The following PAX5 variants were observed in gnomAD, a reference collection of about 807,000 sequenced individuals.
PAX5 encodes the protein paired box protein Pax-5.
In PAX5, 9 loss-of-function variants were observed where a neutral mutation model predicts 43.7. That is an observed-to-expected ratio of 0.21 (90% CI 0.12 to 0.36). The LOEUF (loss-of-function observed/expected upper bound fraction) is 0.36, where lower values mean the gene tolerates loss of function less well. PAX5 is among the 10% of genes least tolerant of loss of function. PAX5 has a pLI of 1.00. For missense variants in PAX5, 383 were observed against 532.7 expected (o/e 0.72, Z 2.77); for synonymous variants, 228 against 214.3 (o/e 1.06, Z -0.56).
At chr9:36,961,431 C>A (rs368721336) in intron 6 of PAX5, among the ~76,000 whole-genome samples, 1 of 152,234 alleles carries the variant, frequency 6.6e-6, no homozygotes, top group Non-Finnish European at 1.5e-5. Context: ...AGGGCCCTGG[C>A]CCGTTCCATT....
intron 1 of PAX5, 52 bp downstream of exon 1, chr9:37,033,934 G>T (rs1841266535): frequency 4.4e-6 from 7 of 1,586,824 alleles, no homozygotes; most frequent in Non-Finnish European, 6.0e-6. Context: ...GGGGACCAAG[G>T]CCTGGCCGTG....
At chr9:36,890,201 T>C (rs1223842228) in intron 7 of PAX5, among the ~76,000 whole-genome samples, 1 of 151,628 alleles carries the variant, frequency 6.6e-6, no homozygotes, top group Non-Finnish European at 1.5e-5. Flanking sequence ...CCTGACTGTG[T>C]GTGTGAGTGA....
intron 1 of PAX5, among the ~76,000 whole-genome samples, chr9:37,021,308 G>A (rs541008389): frequency 6.6e-6 from 1 of 152,074 alleles, no homozygotes; most frequent in South Asian, 2.1e-4. Flanking sequence ...CTAATTCAAG[G>A]GCTAAGGAAT....
chr9:36,983,981 A>G (rs1283574910), intron 5 of PAX5, among the ~76,000 whole-genome samples: 1 of 152,244 alleles, frequency 6.6e-6, no homozygotes, highest in Non-Finnish European at 1.5e-5. Flanking sequence ...TTCCTTGATC[A>G]TGAATAGTAA....
rs1018932516 is a variant in PAX5 at position 37,003,210 on chromosome 9, C to A, written c.476-434G>T. 2.0e-5 allele frequency among the ~76,000 whole-genome samples: 3 copies of A among 149,102 alleles called. No homozygotes were observed. In the East Asian group the frequency reaches 6.1e-4, roughly 30 times the overall value. On this transcript the variant is annotated intron_variant, in intron 4 of 9. Coordinates refer to ENST00000358127, the MANE Select transcript of PAX5 (RefSeq NM_016734.3). ...GAACTACTCGTTAGGCATTTCACCA[C>A]CTGCCTGCACACCCAACCCAACCTT...
intron 8 of PAX5, among the ~76,000 whole-genome samples, chr9:36,861,750 C>T (rs1824239667): frequency 1.3e-5 from 2 of 151,482 alleles, no homozygotes; most frequent in Admixed American, 1.3e-4. Context: ...GGAGAGAAGG[C>T]CAGGGAGGGA....
chr9:36,851,950 T>C (rs1452718596), intron 8 of PAX5, among the ~76,000 whole-genome samples: 1 of 152,214 alleles, frequency 6.6e-6, no homozygotes, highest in East Asian at 1.9e-4. Flanking sequence ...AAATGGCCTT[T>C]GAAGTCACAC....
intron 6 of PAX5, among the ~76,000 whole-genome samples, chr9:36,929,103 T>C (rs979159084): frequency 9.2e-5 from 14 of 152,206 alleles, no homozygotes; most frequent in African/African-American, 3.4e-4. Flanking sequence ...GAACTTTTTT[T>C]CCAAACTTAA....
intron 4 of PAX5, among the ~76,000 whole-genome samples, chr9:37,005,217 A>AC (rs1385092428): frequency 6.6e-6 from 1 of 152,006 alleles, no homozygotes; most frequent in Non-Finnish European, 1.5e-5. Flanking sequence ...CCCCCACAGC[A>AC]CCCATCCCTT....
chr9:36,922,519 G>A (rs1436828300), intron 7 of PAX5, among the ~76,000 whole-genome samples: 1 of 152,306 alleles, frequency 6.6e-6, no homozygotes, highest in Non-Finnish European at 1.5e-5. Flanking sequence ...GGGTCTCCCC[G>A]TCCTGGCCCA....
chr9:36,945,689 C>A (rs1479151443), intron 6 of PAX5, among the ~76,000 whole-genome samples: 3 of 152,210 alleles, frequency 2.0e-5, no homozygotes, highest in African/African-American at 7.2e-5. Context: ...TTGTTTCTGG[C>A]AAATTGGATC....
At chr9:36,930,891 GA>G in intron 6 of PAX5, 5 of 1,296,398 alleles carry the variant, frequency 3.9e-6, no homozygotes, top group East Asian at 4.4e-5. Flanking sequence ...AAATTACCTG[GA>G]AAAGGACTGC....
At chr9:36,919,329 G>C (rs559070757) in intron 7 of PAX5, among the ~76,000 whole-genome samples, 141 of 152,304 alleles carry the variant, frequency 9.3e-4, no homozygotes, top group African/African-American at 3.2e-3. Context: ...AGCTCTGATG[G>C]AGATGTACAA....
chr9:36,999,073 T>C (rs1264853309), intron 5 of PAX5, among the ~76,000 whole-genome samples: 1 of 152,216 alleles, frequency 6.6e-6, no homozygotes, highest in Non-Finnish European at 1.5e-5. Context: ...TGAATGTTTC[T>C]TGAGCATCTG....
chr9:36,982,820 T>C (rs531744054), intron 5 of PAX5, among the ~76,000 whole-genome samples: 2 of 152,236 alleles, frequency 1.3e-5, no homozygotes, highest in South Asian at 2.1e-4. Context: ...GCACAATACC[T>C]GCAGATTTTG....
chr9:36,880,378 C>T (rs553380772), intron 8 of PAX5, among the ~76,000 whole-genome samples: 6 of 152,280 alleles, frequency 3.9e-5, no homozygotes, highest in South Asian at 2.1e-4. Context: ...GAGGATGGCC[C>T]GGGGGAAGAG....
chr9:36,937,576 C>T (rs1465541560), intron 6 of PAX5, among the ~76,000 whole-genome samples: 2 of 152,198 alleles, frequency 1.3e-5, no homozygotes, highest in African/African-American at 4.8e-5. Context: ...AGGCCAGGCT[C>T]CTCTTCCTGT....
chr9:37,018,602 C>A (rs553419963), intron 2 of PAX5, among the ~76,000 whole-genome samples: 4 of 128,172 alleles, frequency 3.1e-5, no homozygotes, highest in Admixed American at 8.3e-5. Context: ...GTGGATTGAA[C>A]GGCCCCAGTT....
At chr9:36,945,294 T>C (rs1212758726) in intron 6 of PAX5, among the ~76,000 whole-genome samples, 3 of 152,128 alleles carry the variant, frequency 2.0e-5, no homozygotes, top group African/African-American at 7.2e-5. Context: ...AGGGCTGAAG[T>C]ACAGTGGCAC....
Sources: gnomAD v4.1 joint callset for allele counts (sites outside exome capture counted in the v4.1 genomes callset) on GRCh38, gnomAD v4.1.1 for gene constraint, MANE v1.5 for transcripts, NCBI Gene and HGNC (gene_info 2026-07-23, HGNC 2026-07-21) for gene names.